Variants in TERF1 observed in about 807,000 individuals in gnomAD.
The protein encoded by TERF1 is telomeric repeat binding factor 1.
A neutral mutation model predicts 55.1 loss-of-function variants in TERF1; 20 were observed. The ratio of observed to expected loss-of-function variants is 0.36; its 90% CI spans 0.26 to 0.53. The LOEUF (loss-of-function observed/expected upper bound fraction) is 0.53. TERF1 is among the 20% of genes least tolerant of loss of function. TERF1 has a pLI of 0.91. For synonymous variants in TERF1, 168 were observed against 181.2 expected (o/e 0.93, Z 0.59); for missense variants, 439 against 535.7 (o/e 0.82, Z 1.78).
chr8:73,022,082 T>A lies in TERF1; in HGVS notation c.538-134T>A, dbSNP rs1007855620. 14 of 538,684 alleles carry A rather than the reference T, an allele frequency of 2.6e-5. No homozygotes were observed. In the African/African-American group the frequency reaches 2.9e-4, roughly 11 times the overall value. The allele number at this position is 538,684 out of a possible 1,614,324, so 33.4% of individuals were successfully genotyped here. A position where few individuals can be genotyped will look rare whatever the true frequency, so the allele number is the denominator to read the frequency against. On this transcript the variant is annotated intron_variant, in intron 3 of 9. Coordinates refer to ENST00000276603, the MANE Select transcript of TERF1 (RefSeq NM_017489.3). ...TTGAAAAATAATTTTATATCTTTTATCAAATTAAAATTATTAAGCTACATA... is the reference window on the plus strand; with the variant it reads ...TTGAAAAATAATTTTATATCTTTTAACAAATTAAAATTATTAAGCTACATA...
intron 8 of TERF1, among the ~76,000 whole-genome samples, chr8:73,034,121 TTTTG>T (rs146008426): frequency 0.67 from 101,446 of 150,396 alleles, 34,928 homozygotes; most frequent in Middle Eastern, 0.77. Context: ...CCTGCTATTT[TTTTG>T]TTTGTTTGTT....
chr8:73,035,989 T>G (rs939423905), intron 8 of TERF1, among the ~76,000 whole-genome samples: 1 of 152,220 alleles, frequency 6.6e-6, no homozygotes, highest in Non-Finnish European at 1.5e-5. Flanking sequence ...CTTAGTGACT[T>G]AATGAGTTAG....
rs192808103 is a variant in TERF1, at chr8:73,019,875, T to C, written c.416-809T>C. Among the ~76,000 whole-genome samples the C allele has an allele frequency of 4.6e-5, 7 of 152,356 alleles. No homozygotes were observed. In the East Asian group the frequency reaches 1.2e-3, roughly 25 times the overall value. Reference sequence around the variant, plus strand: ...TGTCTGAAAGAGCTTCCCTCTCCCCTACCATTCTTCATTTCCAGAACCTTT... The same window carrying C: ...TGTCTGAAAGAGCTTCCCTCTCCCCCACCATTCTTCATTTCCAGAACCTTT... On this transcript the variant is annotated intron_variant, in intron 2 of 9. Transcript: ENST00000276603.
At chr8:73,020,629 T>A (rs995619331) in intron 2 of TERF1, 55 bp from the exon 3 acceptor site, 1 of 1,510,404 alleles carries the variant, frequency 6.6e-7, no homozygotes, top group African/African-American at 1.4e-5. Context: ...TATTAAAAAC[T>A]GACAAAGTTC....
At chr8:73,025,736 G>A (rs1396940873) in intron 5 of TERF1, among the ~76,000 whole-genome samples, 1 of 127,920 alleles carries the variant, frequency 7.8e-6, no homozygotes, top group Non-Finnish European at 1.6e-5. Flanking sequence ...CAGCCTGGGC[G>A]ACAGTGAGAC....
intron 4 of TERF1, 39 bp from the exon 5 acceptor site, chr8:73,024,783 G>A: frequency 2.8e-6 from 4 of 1,426,114 alleles, no homozygotes; most frequent in Non-Finnish European, 3.8e-6. Flanking sequence ...CTGTAACTTT[G>A]TGTGATTTAT....
Position 73,045,956 on chromosome 8 carries a change from A to G in TERF1, c.1144-5A>G. 1 of 1,529,040 alleles carries G rather than the reference A, an allele frequency of 6.5e-7. No individual in the cohort carries two copies. Among genetic ancestry groups the G allele is most frequent in the Non-Finnish European group, 8.8e-7 (1 of 1,141,976 alleles). 94.7% of individuals were successfully genotyped at this position (1,529,040 alleles called of 1,614,324 possible). On this transcript the variant is annotated splice_region_variant and splice_polypyrimidine_tract_variant and intron_variant, in intron 9 of 9. Transcript: ENST00000276603. ...GTAAATAACTGTTTTACTTTTTATC[A>G]AAAGGCATGGCTTTGGGAAGAAGAC...
At chr8:73,036,846 T>C (rs1005256832) in intron 8 of TERF1, among the ~76,000 whole-genome samples, 4 of 144,330 alleles carry the variant, frequency 2.8e-5, no homozygotes, top group Non-Finnish European at 6.0e-5. Flanking sequence ...AATATATATT[T>C]ATATATAATA....
chr8:73,014,924 C>T (rs1220671881), intron 2 of TERF1, among the ~76,000 whole-genome samples: 1 of 152,182 alleles, frequency 6.6e-6, no homozygotes, highest in East Asian at 1.9e-4. Flanking sequence ...TAGGCCTGGG[C>T]CAGTTGCTGG....
At chr8:73,037,147 T>C (rs1586061444) in intron 8 of TERF1, among the ~76,000 whole-genome samples, 1 of 120,072 alleles carries the variant, frequency 8.3e-6, no homozygotes, top group Non-Finnish European at 1.7e-5. Context: ...ATTTATATAT[T>C]ATAATATATA....
Position 73,009,089 on chromosome 8 carries a change from C to T in TERF1, c.203C>T (p.Ala68Val). ...GAGGAGGAGGACGCGGGCCTGGTGG[C>T]CGAGGCCGAGGCCGTGGCTGCCGGC... Reference protein sequence around the residue: ...EEEEEDAGLVAEAEAVAAGWM... With the variant: ...EEEEEDAGLVVEAEAVAAGWM... Residue 68 changes from alanine to valine, a missense_variant, in exon 1 of 10, where the codon GCC becomes GTC. Transcript: ENST00000276603. The T allele has an allele frequency of 6.2e-7, 1 of 1,609,230 alleles. No individual in the cohort carries two copies. The highest frequency in any genetic ancestry group is 8.5e-7 in the Non-Finnish European group (1 of 1,178,510).
chr8:73,010,588 C>T (rs1392509042), intron 1 of TERF1: 1 of 152,212 alleles, frequency 6.6e-6, no homozygotes, highest in African/African-American at 2.4e-5. Flanking sequence ...ACACCTAGCA[C>T]CCCGATCTTG....
Position 73,009,084 on chromosome 8 carries a change from G to A in TERF1, c.198G>A (p.Leu66=), listed in dbSNP as rs752867787. 6.2e-7 allele frequency: 1 copy of A among 1,609,580 alleles called. No homozygotes were observed. The highest frequency in any genetic ancestry group is 8.5e-7 in the Non-Finnish European group (1 of 1,178,554). ...EEEEEEEDAG[L]VAEAEAVAAG... Reference sequence around the variant, plus strand: ...AGGAGGAGGAGGAGGACGCGGGCCTGGTGGCCGAGGCCGAGGCCGTGGCTG... The same window carrying A: ...AGGAGGAGGAGGAGGACGCGGGCCTAGTGGCCGAGGCCGAGGCCGTGGCTG... Residue 66 remains leucine, a synonymous_variant, in exon 1 of 10, where the codon CTG becomes CTA. Transcript: ENST00000276603.
intron 2 of TERF1, among the ~76,000 whole-genome samples, chr8:73,016,782 T>C (rs1808527932): frequency 6.6e-6 from 1 of 152,144 alleles, no homozygotes; most frequent in Non-Finnish European, 1.5e-5. Context: ...CAATCATGTT[T>C]GCAGTTTCTC....
At chr8:73,030,519 G>T (rs1405685934) in intron 7 of TERF1, 124 bp downstream of exon 7, 1 of 589,220 alleles carries the variant, frequency 1.7e-6, no homozygotes, top group African/African-American at 2.0e-5. Context: ...GTCCTAGTTA[G>T]CCCAACAGAT....
chr8:73,034,981 A>T (rs1308943295), intron 8 of TERF1, among the ~76,000 whole-genome samples: 1 of 152,202 alleles, frequency 6.6e-6, no homozygotes, highest in African/African-American at 2.4e-5. Context: ...AGCAAATCAA[A>T]TTTTAGAAAA....
At chr8:73,031,243 G>A (rs1246706977) in intron 7 of TERF1, 2 of 152,234 alleles carry the variant, frequency 1.3e-5, no homozygotes, top group Non-Finnish European at 2.9e-5. Flanking sequence ...GGCTACCAAG[G>A]AGAGAAACAT....
chr8:73,020,591 C>A, intron 2 of TERF1, 93 bp from the exon 3 acceptor site: 1 of 1,080,268 alleles, frequency 9.3e-7, no homozygotes, highest in Non-Finnish European at 1.3e-6. Flanking sequence ...ACATAGTATA[C>A]ACTCAGTAAA....
chr8:73,008,916 G>C lies in TERF1; in HGVS notation c.30G>C (p.Pro10=). The part of the protein sequence containing the change: MAEDVSSAA[P]SPRGCADGRD... ...CGGAGGATGTTTCCTCAGCGGCCCC[G>C]AGCCCGCGGGGCTGTGCGGATGGTA... Residue 10 remains proline (P), a synonymous_variant, in exon 1 of 10, where the codon CCG becomes CCC. Coordinates refer to ENST00000276603, the MANE Select transcript of TERF1 (RefSeq NM_017489.3). The C allele has an allele frequency of 6.2e-7, 1 of 1,611,236 alleles. No individual in the cohort carries two copies.
Sources: allele counts gnomAD v4.1 joint callset (sites outside exome capture counted in the v4.1 genomes callset), GRCh38; gene constraint gnomAD v4.1.1; transcripts MANE v1.5; gene names NCBI Gene and HGNC (gene_info 2026-07-23, HGNC 2026-07-21).